ECPAS: variants seen among roughly 807,000 people sequenced by gnomAD.
The protein encoded by ECPAS is proteasome adapter and scaffold protein ECM29.
In ECPAS, 70 loss-of-function variants were observed where a neutral mutation model predicts 255.1. The observed-to-expected ratio is 0.27, with a 90% CI of 0.23 to 0.33. The LOEUF (loss-of-function observed/expected upper bound fraction) is 0.33, where lower values mean the gene tolerates loss of function less well. ECPAS is among the 10% of genes least tolerant of loss of function. ECPAS has a pLI of 1.00. For missense variants in ECPAS, 1,817 were observed against 2,206.4 expected, an observed-to-expected ratio of 0.82 and a Z score of 3.54; for synonymous variants, 784 against 775.0, an observed-to-expected ratio of 1.01 and a Z score of -0.19.
Position 111,383,109 on chromosome 9 carries a change from T to A in ECPAS, c.3803+102A>T, listed in dbSNP as rs1279727795. On this transcript the variant is annotated intron_variant, in intron 35 of 49. Coordinates refer to ENST00000684092, the MANE Select transcript of ECPAS (RefSeq NM_001364929.1). ...ACAAATGACCCAAGGGTCATTCTCC[T>A]AAACCTCTTTCTCCATATTTTCCAG... 4 of 1,420,088 alleles carry A rather than the reference T, an allele frequency of 2.8e-6. No individual in the cohort carries two copies. The African/African-American group carries it at 5.6e-5, about 20-fold the overall frequency. The allele number at this position is 1,420,088 out of a possible 1,614,324, so 88.0% of individuals were successfully genotyped here. A position where few individuals can be genotyped will look rare whatever the true frequency, so the allele number is the denominator to read the frequency against.
At chr9:111,468,458 G>A (rs143222915) in intron 2 of ECPAS, among the ~76,000 whole-genome samples, 1,973 of 152,206 alleles carry the variant, frequency 0.013, 19 homozygotes, top group Non-Finnish European at 0.02. Context: ...AACTGTATAC[G>A]ACGTGACTCC....
chr9:111,428,045 A>C lies in ECPAS; in HGVS notation c.1047T>G (p.Ile349Met), dbSNP rs2098224334. Reference protein sequence around the residue: ...RQAAETFPANIQVVYDGLFGT... With the variant: ...RQAAETFPANMQVVYDGLFGT... ...TTCTCTGGAAAAAACAAATTACCTG[A>C]ATGTTGGCTGGGAACGTTTCAGCAG... The change falls in exon 10 of 50, where the codon ATT (isoleucine) becomes ATG (methionine). Residue 349 changes from isoleucine to methionine, a missense_variant. Physicochemically the swap from Ile to Met is conservative, Grantham distance 10 (BLOSUM62 1). This residue lies in a region of ECPAS where 573 missense variants were observed against 716.2 expected (regional missense o/e 0.80). Coordinates refer to ENST00000684092, the MANE Select transcript of ECPAS (RefSeq NM_001364929.1). 6.2e-7 allele frequency: 1 copy of C among 1,612,634 alleles called. No individual in the cohort carries two copies. The highest frequency in any genetic ancestry group is 2.2e-5 in the East Asian group (1 of 44,856).
chr9:111,467,726 TTCTC>T (rs1006894928), intron 2 of ECPAS, among the ~76,000 whole-genome samples: 4 of 152,186 alleles, frequency 2.6e-5, no homozygotes, highest in Non-Finnish European at 4.4e-5. Flanking sequence ...GAAAGAAATA[TTCTC>T]TCTAATGGTA....
At chr9:111,367,854 C>A (rs762003816) in intron 46 of ECPAS, among the ~76,000 whole-genome samples, 7 of 151,804 alleles carry the variant, frequency 4.6e-5, no homozygotes, top group Non-Finnish European at 8.8e-5. Flanking sequence ...TTGAGACCAA[C>A]CTGGGCAACA....
intron 43 of ECPAS, 70 bp downstream of exon 43, chr9:111,371,551 A>G: frequency 2.2e-6 from 3 of 1,349,136 alleles, no homozygotes; most frequent in Admixed American, 3.6e-5. Flanking sequence ...ACAAAACCAG[A>G]TCGTTACTAT....
At chr9:111,399,715 T>A (rs1318147740) in intron 24 of ECPAS, among the ~76,000 whole-genome samples, 3 of 151,994 alleles carry the variant, frequency 2.0e-5, no homozygotes, top group Admixed American at 1.3e-4. Flanking sequence ...CCACCCACAA[T>A]AAAACAAAGG....
At chr9:111,369,253 C>A in intron 45 of ECPAS, 80 bp from the exon 46 acceptor site, 2 of 1,067,354 alleles carry the variant, frequency 1.9e-6, no homozygotes, top group Non-Finnish European at 2.5e-6. Flanking sequence ...ATCAGGGTAC[C>A]AACCAAGGCA....
chr9:111,422,748 G>A (rs1022584129), intron 13 of ECPAS, among the ~76,000 whole-genome samples: 2 of 152,058 alleles, frequency 1.3e-5, no homozygotes, highest in Non-Finnish European at 2.9e-5. Flanking sequence ...GGAAGATGAA[G>A]CCAGGAGGAA....
At chr9:111,451,613 A>G (rs2131963626) in intron 2 of ECPAS, 58 bp from the exon 3 acceptor site, 4 of 1,447,146 alleles carry the variant, frequency 2.8e-6, no homozygotes, top group South Asian at 1.4e-5. Context: ...ACCAAGACCA[A>G]TTATTTTTAT....
At chr9:111,368,995 C>A in intron 46 of ECPAS, 40 bp downstream of exon 46, 1 of 1,488,184 alleles carries the variant, frequency 6.7e-7, no homozygotes, top group Non-Finnish European at 8.9e-7. Context: ...ATTAAGTAAC[C>A]TCTGGTTACA....
intron 2 of ECPAS, among the ~76,000 whole-genome samples, chr9:111,469,739 G>T (rs2098284446): frequency 6.6e-6 from 1 of 152,014 alleles, no homozygotes; most frequent in Admixed American, 6.5e-5. Context: ...AACCCGGGAG[G>T]TGGAGCTTGC....
chr9:111,379,478 T>C (rs988945277), intron 35 of ECPAS, among the ~76,000 whole-genome samples: 4 of 152,238 alleles, frequency 2.6e-5, no homozygotes, highest in Admixed American at 2.0e-4. Flanking sequence ...CCTACCTCAA[T>C]GGTGATGCCT....
In ECPAS at chr9:111,484,208, G is replaced by C; in HGVS notation, c.-175C>G. On this transcript the variant is annotated 5_prime_UTR_variant, in exon 1 of 50. Transcript: ENST00000684092. ...GAGGCGTTCGGCGGGCCGGGCCCCG[G>C]GGAGCCGCGCGCCGCAGTCCGTGAG... The C allele has an allele frequency of 6.8e-7, 1 of 1,473,856 alleles. No homozygotes were observed. Among genetic ancestry groups the C allele is most frequent in the Non-Finnish European group, 9.0e-7 (1 of 1,116,098 alleles). 91.3% of individuals were successfully genotyped at this position (1,473,856 alleles called of 1,614,324 possible). A position where few individuals can be genotyped will look rare whatever the true frequency, so the allele number is the denominator to read the frequency against.
intron 15 of ECPAS, among the ~76,000 whole-genome samples, chr9:111,421,099 A>G (rs1300662837): frequency 1.3e-5 from 2 of 152,228 alleles, no homozygotes; most frequent in Non-Finnish European, 2.9e-5. Flanking sequence ...TGTCCATAAC[A>G]TATGACCATG....
rs7849828 is a variant in ECPAS at position 111,416,227 on chromosome 9, T to C, written c.1764+45A>G. Reference sequence around the variant, plus strand: ...CCTCTTTGGGTGTGGTGTGATCTTTTTAGAACACTTACAAAAAGTAAATAG... The same window carrying C: ...CCTCTTTGGGTGTGGTGTGATCTTTCTAGAACACTTACAAAAAGTAAATAG... On this transcript the variant is annotated intron_variant, in intron 18 of 49. Transcript: ENST00000684092. The C allele has an allele frequency of 2.8e-3, 4,106 of 1,455,580 alleles. 83 individuals are homozygous for C. The African/African-American group carries it at 0.049, about 17-fold the overall frequency. 90.2% of individuals were successfully genotyped at this position (1,455,580 alleles called of 1,614,324 possible).
intron 2 of ECPAS, among the ~76,000 whole-genome samples, chr9:111,470,077 T>G (rs998872369): frequency 4.6e-5 from 7 of 152,048 alleles, no homozygotes; most frequent in Non-Finnish European, 8.8e-5. Context: ...TGGCAATGAG[T>G]ACCTTCACAG....
intron 2 of ECPAS, among the ~76,000 whole-genome samples, chr9:111,452,232 T>TAAC (rs2098261236): frequency 6.6e-6 from 1 of 152,198 alleles, no homozygotes; most frequent in African/African-American, 2.4e-5. Context: ...TAAAATTGTT[T>TAAC]TAGGTACTAT....
At chr9:111,476,550 T>C (rs1463711484) in intron 1 of ECPAS, among the ~76,000 whole-genome samples, 5 of 151,948 alleles carry the variant, frequency 3.3e-5, no homozygotes, top group Admixed American at 3.3e-4. Context: ...AAAAATCTAC[T>C]ATGTTCTGTT....
chr9:111,437,263 AG>A (rs1334121954), intron 6 of ECPAS, among the ~76,000 whole-genome samples, 155 bp from the exon 7 acceptor site: 2 of 152,244 alleles, frequency 1.3e-5, no homozygotes, highest in Non-Finnish European at 2.9e-5. Context: ...AAAAATTTTA[AG>A]GTATCTAAAA....
Sources: gnomAD v4.1 joint callset for allele counts (sites outside exome capture counted in the v4.1 genomes callset) on GRCh38, gnomAD v4.1.1 for gene constraint, gnomAD v4.1.1 regional missense constraint, MANE v1.5 for transcripts, NCBI Gene and HGNC (gene_info 2026-07-23, HGNC 2026-07-21) for gene names.